The following MID1 variants were observed in gnomAD, a reference collection of about 807,000 sequenced individuals.
MID1 encodes midline 1.
A neutral mutation model predicts 40.4 loss-of-function variants in MID1; 7 were observed. That is an observed-to-expected ratio of 0.17 (90% CI 0.10 to 0.33). MID1 has a LOEUF of 0.33. Among genes scored for constraint, MID1 ranks in the 10% least tolerant of loss-of-function variants. The pLI is 1.00. For synonymous variants in MID1, 229 were observed against 221.2 expected (o/e 1.04, Z -0.31); for missense variants, 367 against 558.5 (o/e 0.66, Z 3.46).
intron 1 of MID1, among the ~76,000 whole-genome samples, chrX:10,683,683 TA>T (rs1196914311): frequency 9.2e-6 from 1 of 109,097 alleles, no homozygotes; most frequent in Non-Finnish European, 1.9e-5. Flanking sequence ...CTCTGTGATT[TA>T]ACATGTGCTT....
chrX:10,636,785 G>GAGATATATAGATATATATATAT (rs757390504), intron 1 of MID1, among the ~76,000 whole-genome samples: 1 of 42,719 alleles, frequency 2.3e-5, no homozygotes, highest in Non-Finnish European at 4.0e-5. Context: ...CAACAATGGG[G>GAGATATATAGATATATATATAT]ATATATATAT....
intron 1 of MID1, among the ~76,000 whole-genome samples, chrX:10,581,055 C>G (rs913914935): frequency 9.1e-6 from 1 of 109,999 alleles, no homozygotes; most frequent in African/African-American, 3.3e-5. Flanking sequence ...TCGAGACCAG[C>G]CTGGCCAATG....
At chrX:10,667,516 T>C (rs190959129) in intron 1 of MID1, among the ~76,000 whole-genome samples, 23 of 111,875 alleles carry the variant, frequency 2.1e-4, no homozygotes, top group Non-Finnish European at 1.3e-4. Context: ...TGTTTAATTA[T>C]GGAAATATAT....
chrX:10,596,731 T>TA (rs1337829281), intron 1 of MID1, among the ~76,000 whole-genome samples: 1 of 111,852 alleles, frequency 8.9e-6, no homozygotes, highest in African/African-American at 3.3e-5. Flanking sequence ...AAAGAGGGCT[T>TA]AAGGACTCAC....
chrX:10,760,197 G>A (rs1380786555), intron 1 of MID1, among the ~76,000 whole-genome samples: 1 of 111,638 alleles, frequency 9.0e-6, no homozygotes, highest in Non-Finnish European at 1.9e-5. Context: ...GCTTGCACTC[G>A]GGGGGAAGTA....
chrX:10,669,282 T>C (rs1167938303), intron 1 of MID1, among the ~76,000 whole-genome samples: 2 of 105,434 alleles, frequency 1.9e-5, no homozygotes, highest in African/African-American at 6.9e-5. Context: ...TTTGATTCCC[T>C]GATGGTGGAT....
chrX:10,674,377 C>T (rs2043007813), intron 1 of MID1, among the ~76,000 whole-genome samples: 1 of 112,537 alleles, frequency 8.9e-6, no homozygotes, highest in East Asian at 2.8e-4. Flanking sequence ...TAGAACAGCA[C>T]GAGTTGGTCT....
chrX:10,652,138 A>G (rs1261892586), intron 1 of MID1, among the ~76,000 whole-genome samples: 1 of 111,686 alleles, frequency 9.0e-6, no homozygotes, highest in Non-Finnish European at 1.9e-5. Context: ...CACTTAGTTT[A>G]TTACTGGAAG....
rs376023015 is a variant in MID1, at chrX:10,747,773, C to A, written c.-187+85781G>T. Among the ~76,000 whole-genome samples, 372 of 111,993 alleles carry A rather than the reference C, an allele frequency of 3.3e-3. 1 individual carries two copies. The highest frequency in any genetic ancestry group is 4.9e-3 in the Non-Finnish European group (261 of 53,221). On this transcript the variant is annotated intron_variant, in intron 1 of 10. Transcript: ENST00000380785. ...CTTCCCTGTTGTGTGTATTTAGAAT[C>A]CACTCATTACGTGTTCCTTCTTTCC...
intron 1 of MID1, among the ~76,000 whole-genome samples, chrX:10,752,842 T>A (rs1289211218): frequency 1.8e-5 from 2 of 112,176 alleles, no homozygotes; most frequent in African/African-American, 6.5e-5. Context: ...ACATCTGAAA[T>A]TAACTTGCCC....
chrX:10,484,124 A>C (rs183778777), intron 4 of MID1, among the ~76,000 whole-genome samples: 1 of 109,135 alleles, frequency 9.2e-6, no homozygotes, highest in Admixed American at 9.5e-5. Flanking sequence ...AAAGCTAAGG[A>C]AGGCATCCAG....
chrX:10,561,567 C>T (rs1484236977), intron 2 of MID1, among the ~76,000 whole-genome samples: 2 of 106,965 alleles, frequency 1.9e-5, no homozygotes, highest in Non-Finnish European at 3.8e-5. Context: ...AGGATATGAA[C>T]AGACACTTCT....
chrX:10,746,580 C>T (rs1050850741), intron 1 of MID1, among the ~76,000 whole-genome samples: 1 of 111,418 alleles, frequency 9.0e-6, no homozygotes, highest in African/African-American at 3.3e-5. Context: ...AGCCTTCCAC[C>T]ATTTTCCTAG....
intron 1 of MID1, among the ~76,000 whole-genome samples, chrX:10,770,390 G>T (rs1285937917): frequency 8.9e-6 from 1 of 112,158 alleles, no homozygotes; most frequent in Non-Finnish European, 1.9e-5. Flanking sequence ...CCAAGTTGTT[G>T]AGTCCTTTGT....
chrX:10,563,023 A>G lies in MID1; in HGVS notation c.660+3865T>C, dbSNP rs890529892. Reference sequence around the variant, plus strand: ...TAGAAATTATAATAAAAAGAAGTCTAGCTCAGTATACACTTACAACTTTCC... The same window carrying G: ...TAGAAATTATAATAAAAAGAAGTCTGGCTCAGTATACACTTACAACTTTCC... On this transcript the variant is annotated intron_variant, in intron 2 of 9. Transcript: ENST00000317552. Among the ~76,000 whole-genome samples the G allele has an allele frequency of 3.1e-5, 3 of 96,662 alleles. 1 individual carries two copies. Among genetic ancestry groups the G allele is most frequent in the African/African-American group, 1.0e-4 (2 of 19,517 alleles). 83.9% of individuals were successfully genotyped at this position (96,662 alleles called of 115,157 possible). A position where few individuals can be genotyped will look rare whatever the true frequency, so the allele number is the denominator to read the frequency against.
At chrX:10,628,231 T>C (rs1454462502) in intron 1 of MID1, among the ~76,000 whole-genome samples, 1 of 110,949 alleles carries the variant, frequency 9.0e-6, no homozygotes, top group African/African-American at 3.3e-5. Context: ...ATTATTCCCC[T>C]GATGCAAAAT....
chrX:10,563,007 T>C (rs1411642409), intron 2 of MID1, among the ~76,000 whole-genome samples: 1 of 109,984 alleles, frequency 9.1e-6, no homozygotes, highest in Non-Finnish European at 1.9e-5. Flanking sequence ...ATAGAAATTA[T>C]AATAAAAAGA....
At chrX:10,615,089 C>T (rs1175956001) in intron 1 of MID1, among the ~76,000 whole-genome samples, 1 of 112,060 alleles carries the variant, frequency 8.9e-6, no homozygotes, top group Non-Finnish European at 1.9e-5. Context: ...TAAAAATCAA[C>T]TAAATTTCAC....
intron 1 of MID1, among the ~76,000 whole-genome samples, chrX:10,693,224 T>C (rs1356710516): frequency 2.9e-5 from 3 of 104,017 alleles, no homozygotes; most frequent in East Asian, 3.0e-4. Flanking sequence ...AGATGAGGGC[T>C]GGCTCTGTTG....
Sources: gnomAD v4.1 joint callset for allele counts (sites outside exome capture counted in the v4.1 genomes callset) on GRCh38, gnomAD v4.1.1 for gene constraint, MANE v1.5 for transcripts, NCBI Gene and HGNC (gene_info 2026-07-23, HGNC 2026-07-21) for gene names.